SORCS3: variants seen among roughly 807,000 people sequenced by gnomAD.
SORCS3 encodes the protein VPS10 domain-containing receptor SorCS3.
Under a neutral mutation model 146.3 loss-of-function variants are expected in SORCS3, and 57 were observed. The ratio of observed to expected loss-of-function variants is 0.39; its 90% confidence interval spans 0.31 to 0.49. The LOEUF (loss-of-function observed/expected upper bound fraction) is 0.49, where lower values mean the gene tolerates loss of function less well. Among genes scored for constraint, SORCS3 ranks in the 20% least tolerant of loss-of-function variants. The pLI is 0.92. For missense variants in SORCS3, 1,341 were observed against 1,575.5 expected (o/e 0.85, Z 2.52); for synonymous variants, 653 against 618.5 (o/e 1.06, Z -0.83).
intron 19 of SORCS3, 22 bp from the exon 20 acceptor site, chr10:105,223,094 C>CTTTTTT: frequency 6.3e-7 from 1 of 1,575,094 alleles, no homozygotes; most frequent in Non-Finnish European, 8.7e-7. Flanking sequence ...TAAACACTGA[C>CTTTTTT]TTTTTTTTTC....
intron 7 of SORCS3, among the ~76,000 whole-genome samples, chr10:105,131,591 G>A (rs1023501130): frequency 1.3e-5 from 2 of 152,150 alleles, no homozygotes; most frequent in South Asian, 2.1e-4. Context: ...GGGTGCATTA[G>A]TCTGTTCTTG....
chr10:104,924,613 G>A (rs887621893), intron 3 of SORCS3, among the ~76,000 whole-genome samples: 2 of 152,214 alleles, frequency 1.3e-5, no homozygotes, highest in East Asian at 3.9e-4. Flanking sequence ...TGATAAAGGA[G>A]CAAGAGGCTG....
At chr10:104,660,591 G>C (rs567552858) in intron 1 of SORCS3, among the ~76,000 whole-genome samples, 8 of 152,138 alleles carry the variant, frequency 5.3e-5, no homozygotes, top group Non-Finnish European at 1.0e-4. Context: ...TAGGGAAAAT[G>C]GTCTAATACT....
intron 11 of SORCS3, 135 bp from the exon 12 acceptor site, chr10:105,164,168 C>T: frequency 1.5e-6 from 1 of 668,658 alleles, no homozygotes; most frequent in East Asian, 2.7e-5. Context: ...TGATATGACA[C>T]CAGAAAAGAA....
chr10:104,910,541 C>T (rs2018955889), intron 2 of SORCS3, among the ~76,000 whole-genome samples: 1 of 152,158 alleles, frequency 6.6e-6, no homozygotes, highest in South Asian at 2.1e-4. Flanking sequence ...GGATACATCT[C>T]ACAAGCCGAA....
At chr10:104,832,175 G>GTCT (rs1336777584) in intron 1 of SORCS3, among the ~76,000 whole-genome samples, 2 of 152,142 alleles carry the variant, frequency 1.3e-5, no homozygotes, top group East Asian at 3.9e-4. Flanking sequence ...TACCACTGTA[G>GTCT]TCTTCCGTTA....
At chr10:104,869,647 T>G (rs995628172) in intron 2 of SORCS3, among the ~76,000 whole-genome samples, 2 of 152,226 alleles carry the variant, frequency 1.3e-5, no homozygotes, top group African/African-American at 4.8e-5. Flanking sequence ...TCTGAAACCA[T>G]AAGCAGAACA....
At chr10:104,949,461 G>A (rs1177348623) in intron 3 of SORCS3, among the ~76,000 whole-genome samples, 2 of 152,162 alleles carry the variant, frequency 1.3e-5, no homozygotes, top group Non-Finnish European at 2.9e-5. Flanking sequence ...CATTCTCTTA[G>A]GGGTTCAAAG....
chr10:104,905,629 A>G (rs1206433177), intron 2 of SORCS3, among the ~76,000 whole-genome samples: 2 of 152,242 alleles, frequency 1.3e-5, no homozygotes, highest in Non-Finnish European at 2.9e-5. Flanking sequence ...CAAAGACCTT[A>G]TTCTGTCTGG....
intron 20 of SORCS3, among the ~76,000 whole-genome samples, chr10:105,242,537 T>TAC (rs2056835381): frequency 2.2e-5 from 2 of 92,712 alleles, no homozygotes; most frequent in African/African-American, 4.5e-5. Context: ...TATATTTATA[T>TAC]ATATTTATAT....
intron 1 of SORCS3, among the ~76,000 whole-genome samples, chr10:104,780,173 T>A (rs1380144308): frequency 6.6e-6 from 1 of 150,920 alleles, no homozygotes; most frequent in African/African-American, 2.4e-5. Context: ...AGCAATTTGA[T>A]GGCAGAGTAT....
intron 20 of SORCS3, among the ~76,000 whole-genome samples, chr10:105,243,505 C>G (rs141445123): frequency 6.6e-6 from 1 of 152,264 alleles, no homozygotes; most frequent in Non-Finnish European, 1.5e-5. Context: ...TAAACAGCCA[C>G]TATTGACCCT....
intron 1 of SORCS3, among the ~76,000 whole-genome samples, chr10:104,771,237 T>C (rs1434217889): frequency 6.6e-6 from 1 of 152,230 alleles, no homozygotes; most frequent in East Asian, 1.9e-4. Context: ...TTAGCACTAT[T>C]CCAGGGGATT....
intron 1 of SORCS3, among the ~76,000 whole-genome samples, chr10:104,660,015 G>A (rs2015680589): frequency 6.6e-6 from 1 of 152,180 alleles, no homozygotes; most frequent in African/African-American, 2.4e-5. Flanking sequence ...CTGGCCAGAG[G>A]ATGAGCTGGG....
At chr10:104,849,491 G>A (rs1051948380) in intron 2 of SORCS3, among the ~76,000 whole-genome samples, 10 of 151,538 alleles carry the variant, frequency 6.6e-5, no homozygotes, top group African/African-American at 2.4e-4. Flanking sequence ...AACACCTGGT[G>A]ACAGTGGGTG....
At chr10:104,720,987 C>T (rs537778478) in intron 1 of SORCS3, among the ~76,000 whole-genome samples, 2 of 152,160 alleles carry the variant, frequency 1.3e-5, no homozygotes, top group Non-Finnish European at 2.9e-5. Flanking sequence ...TTAATTAGAT[C>T]CCATTTGTCA....
chr10:104,775,312 A>G (rs2017295983), intron 1 of SORCS3, among the ~76,000 whole-genome samples: 1 of 152,252 alleles, frequency 6.6e-6, no homozygotes, highest in Non-Finnish European at 1.5e-5. Flanking sequence ...TGCAGAGCAC[A>G]CAGCACAGTG....
intron 3 of SORCS3, among the ~76,000 whole-genome samples, chr10:104,968,532 T>C (rs183674506): frequency 6.6e-6 from 1 of 152,272 alleles, no homozygotes; most frequent in East Asian, 1.9e-4. Context: ...AAAACCCCTC[T>C]TCCCCTTCCA....
chr10:105,183,743 C>T (rs2056457545), intron 14 of SORCS3, among the ~76,000 whole-genome samples: 1 of 152,032 alleles, frequency 6.6e-6, no homozygotes, highest in Non-Finnish European at 1.5e-5. Flanking sequence ...CTTGTTTGTG[C>T]CAAGGAACAC....
Sources: gnomAD v4.1 joint callset for allele counts (sites outside exome capture counted in the v4.1 genomes callset) on GRCh38, gnomAD v4.1.1 for gene constraint, MANE v1.5 for transcripts, NCBI Gene and HGNC (gene_info 2026-07-23, HGNC 2026-07-21) for gene names.